MYO1E: variants seen among roughly 807,000 people sequenced by gnomAD.
MYO1E encodes the protein unconventional myosin-Ie.
A neutral mutation model predicts 151.1 loss-of-function variants in MYO1E; 68 were observed. The ratio of observed to expected loss-of-function variants is 0.45; its 90% CI spans 0.37 to 0.55. The LOEUF is 0.55. Among genes scored for constraint, MYO1E ranks in the 20% least tolerant of loss-of-function variants. The pLI is 0.00. For synonymous variants in MYO1E, 601 were observed against 501.7 expected (o/e 1.20, Z -2.64); for missense variants, 1,363 against 1,389.3 (o/e 0.98, Z 0.30).
chr15:59,170,587 T>TAAA (rs202232871), intron 22 of MYO1E, among the ~76,000 whole-genome samples: 1 of 143,644 alleles, frequency 7.0e-6, no homozygotes. Context: ...CCTAGAGCTT[T>TAAA]AAAAAAAAAA....
In MYO1E at chr15:59,231,206, C is replaced by T. The variant is rs145624617; in HGVS notation, c.510+496G>A. Among the ~76,000 whole-genome samples, 40 of 152,244 alleles carry T rather than the reference C, an allele frequency of 2.6e-4. No individual in the cohort carries two copies. The East Asian group carries it at 7.5e-3, about 29-fold the overall frequency. On this transcript the variant is annotated intron_variant, in intron 6 of 27. Transcript: ENST00000288235. ...ACAGATGCACAAAGCCAGAGGGCTG[C>T]GGTGGGCAGGCAGCTCGCTCTGAGG...
At chr15:59,331,646 G>C (rs1447571916) in intron 1 of MYO1E, among the ~76,000 whole-genome samples, 1 of 152,164 alleles carries the variant, frequency 6.6e-6, no homozygotes, top group Non-Finnish European at 1.5e-5. Flanking sequence ...AAGATGGAAA[G>C]AAATGAATCC....
intron 4 of MYO1E, among the ~76,000 whole-genome samples, chr15:59,249,615 C>T (rs2080152043): frequency 6.6e-6 from 1 of 152,072 alleles, no homozygotes; most frequent in Non-Finnish European, 1.5e-5. Context: ...ACCAGGGAAA[C>T]TGGGAGGTGG....
intron 1 of MYO1E, among the ~76,000 whole-genome samples, chr15:59,336,503 T>TTAA: frequency 6.6e-6 from 1 of 152,206 alleles, no homozygotes; most frequent in South Asian, 2.1e-4. Context: ...TTATGTGTTT[T>TTAA]TAATAGTACT....
chr15:59,263,471 A>G (rs1256027666), intron 2 of MYO1E, among the ~76,000 whole-genome samples: 1 of 152,206 alleles, frequency 6.6e-6, no homozygotes, highest in Non-Finnish European at 1.5e-5. Context: ...TTTAGAGGCA[A>G]TGGTTTGTTA....
chr15:59,247,433 A>G (rs2080136915), intron 4 of MYO1E, among the ~76,000 whole-genome samples: 1 of 152,242 alleles, frequency 6.6e-6, no homozygotes, highest in Non-Finnish European at 1.5e-5. Context: ...CTAAATTCAA[A>G]TAGAGGCTCT....
chr15:59,214,846 G>A (rs2079903489), intron 10 of MYO1E, 126 bp from the exon 11 acceptor site: 2 of 780,440 alleles, frequency 2.6e-6, no homozygotes, highest in South Asian at 2.8e-5. Flanking sequence ...CAGAGGACAA[G>A]TGAAGGCAGG....
Position 59,311,405 on chromosome 15 carries a change from T to A in MYO1E, c.4-38956A>T, listed in dbSNP as rs147826173. 2.0e-3 allele frequency among the ~76,000 whole-genome samples: 305 copies of A among 152,126 alleles called. 3 individuals are homozygous for A. Among genetic ancestry groups the A allele is most frequent in the African/African-American group, 6.9e-3 (285 of 41,490 alleles). ...CCACTGATCTGACAGGAGGCAGAGC[T>A]CAGACAGTAATGCTCACTCATGCAT... is the stretch of plus-strand genomic sequence containing the variant. On this transcript the variant is annotated intron_variant, in intron 1 of 27. Coordinates refer to ENST00000288235, the MANE Select transcript of MYO1E (RefSeq NM_004998.4).
intron 1 of MYO1E, among the ~76,000 whole-genome samples, chr15:59,372,029 G>A (rs1231434883): frequency 6.7e-6 from 1 of 150,172 alleles, no homozygotes; most frequent in Non-Finnish European, 1.5e-5. Flanking sequence ...AGCGGCGGCG[G>A]GGAGGAGAGG....
chr15:59,136,317 T>G lies in MYO1E; in HGVS notation c.*1063A>C, dbSNP rs1472615531. The G allele has an allele frequency of 1.2e-5, 2 of 162,596 alleles. No individual in the cohort carries two copies. Among genetic ancestry groups the G allele is most frequent in the African/African-American group, 2.4e-5 (1 of 41,786 alleles). The allele number at this position is 162,596 out of a possible 1,614,324, so 10.1% of individuals were successfully genotyped here. A position where few individuals can be genotyped will look rare whatever the true frequency, so the allele number is the denominator to read the frequency against. ...GTGGCTGGGACTCCAACATCTTCTT[T>G]GGAGGCACACAATTCAACCCATAAC... On this transcript the variant is annotated 3_prime_UTR_variant, in exon 28 of 28. Coordinates refer to ENST00000288235, the MANE Select transcript of MYO1E (RefSeq NM_004998.4).
chr15:59,242,162 A>T (rs1228736440), intron 4 of MYO1E, among the ~76,000 whole-genome samples: 2 of 152,214 alleles, frequency 1.3e-5, no homozygotes, highest in Admixed American at 6.5e-5. Context: ...ACTTGCCTTT[A>T]CCTATACAGA....
intron 1 of MYO1E, among the ~76,000 whole-genome samples, chr15:59,334,151 C>G (rs1455077041): frequency 6.6e-6 from 1 of 152,130 alleles, no homozygotes; most frequent in Non-Finnish European, 1.5e-5. Flanking sequence ...CATGGTGGCA[C>G]ACGCCTGTAG....
At chr15:59,332,454 G>C (rs971954621) in intron 1 of MYO1E, among the ~76,000 whole-genome samples, 2 of 152,076 alleles carry the variant, frequency 1.3e-5, no homozygotes, top group Non-Finnish European at 2.9e-5. Context: ...GCTGATCTAG[G>C]ATTTCCATTA....
At chr15:59,328,440 A>T (rs2080679362) in intron 1 of MYO1E, among the ~76,000 whole-genome samples, 1 of 151,958 alleles carries the variant, frequency 6.6e-6, no homozygotes, top group African/African-American at 2.4e-5. Flanking sequence ...CTCTCCCAAT[A>T]CACGCTTGGT....
At chr15:59,254,877 C>T (rs1367937018) in intron 4 of MYO1E, among the ~76,000 whole-genome samples, 2 of 151,792 alleles carry the variant, frequency 1.3e-5, no homozygotes, top group African/African-American at 2.4e-5. Flanking sequence ...CCAGGCTGGA[C>T]TGCAGTGGCG....
intron 26 of MYO1E, among the ~76,000 whole-genome samples, chr15:59,139,216 C>G (rs1332250092): frequency 2.0e-5 from 3 of 151,628 alleles, no homozygotes; most frequent in Non-Finnish European, 4.4e-5. Context: ...CATTATTACT[C>G]CTTAGACTTC....
At chr15:59,291,202 T>C (rs1353626843) in intron 1 of MYO1E, among the ~76,000 whole-genome samples, 1 of 152,226 alleles carries the variant, frequency 6.6e-6, no homozygotes, top group African/African-American at 2.4e-5. Flanking sequence ...AGTCTCTTTC[T>C]ACCTGAGCCC....
At chr15:59,366,644 A>G (rs2080915467) in intron 1 of MYO1E, among the ~76,000 whole-genome samples, 1 of 152,158 alleles carries the variant, frequency 6.6e-6, no homozygotes, top group Admixed American at 6.5e-5. Context: ...TGGGTTGTCA[A>G]AGTTCATGTC....
At chr15:59,311,850 G>C (rs1017887) in intron 1 of MYO1E, among the ~76,000 whole-genome samples, 95,965 of 151,922 alleles carry the variant, frequency 0.63, 30,865 homozygotes, top group Middle Eastern at 0.71. Flanking sequence ...GTGTGGCCCT[G>C]TCTTGCTATC....
Sources: allele counts gnomAD v4.1 joint callset (sites outside exome capture counted in the v4.1 genomes callset), GRCh38; gene constraint gnomAD v4.1.1; transcripts MANE v1.5; gene names NCBI Gene and HGNC (gene_info 2026-07-23, HGNC 2026-07-21).